The following CAST variants were observed in gnomAD, a reference collection of about 807,000 sequenced individuals.
CAST encodes the protein MIR583 host.
In CAST, 76 loss-of-function variants were observed where a neutral mutation model predicts 119.6. That is an observed-to-expected ratio of 0.64 (90% CI 0.53 to 0.77). The LOEUF is 0.77. Among genes scored for constraint, CAST ranks in the 30% least tolerant of loss-of-function variants. The pLI, the probability that CAST is intolerant of heterozygous loss-of-function variation, is 0.00. For synonymous variants in CAST, 319 were observed against 331.6 expected (o/e 0.96, Z 0.41); for missense variants, 953 against 946.5 (o/e 1.01, Z -0.09).
chr5:96,240,377 A>G, the CAST span, among the ~76,000 whole-genome samples: 3 of 152,008 alleles, frequency 2.0e-5, no homozygotes, highest in Non-Finnish European at 4.4e-5. Flanking sequence ...TTTTCTCTCC[A>G]TGTTTGGTGA....
the CAST span, among the ~76,000 whole-genome samples, chr5:96,061,573 G>A: frequency 3.1e-4 from 47 of 152,000 alleles, no homozygotes; most frequent in Admixed American, 3.1e-3. Context: ...ATGCACTATA[G>A]CCCCTCAGAG....
At chr5:96,342,814 G>A in the CAST span, among the ~76,000 whole-genome samples, 12 of 152,126 alleles carry the variant, frequency 7.9e-5, no homozygotes, top group East Asian at 7.7e-4. Context: ...TGCCACAAAC[G>A]CCCTGAGCCT....
the CAST span, among the ~76,000 whole-genome samples, chr5:96,500,638 G>A: frequency 6.6e-6 from 1 of 152,192 alleles, no homozygotes; most frequent in East Asian, 1.9e-4. Context: ...TCCAAACACA[G>A]GAAGGCTAAT....
At chr5:96,065,401 CTGTGTG>C in the CAST span, among the ~76,000 whole-genome samples, 1 of 149,168 alleles carries the variant, frequency 6.7e-6, no homozygotes, top group Admixed American at 6.7e-5. Flanking sequence ...GGTTAATGAT[CTGTGTG>C]TGTGTGTGTG....
chr5:96,762,391 T>A lies in CAST; in HGVS notation c.1932+19T>A, dbSNP rs1768311661. 1 of 1,541,354 alleles carries A rather than the reference T, an allele frequency of 6.5e-7. No homozygotes were observed. On this transcript the variant is annotated intron_variant, in intron 25 of 31. Transcript: ENST00000675179. Reference sequence around the variant, plus strand: ...TACCTCGGTAAGCAGCACATCTTATTTGGGAGATAAATGTTTTTGCGCAGC... The same window carrying A: ...TACCTCGGTAAGCAGCACATCTTATATGGGAGATAAATGTTTTTGCGCAGC...
the CAST span, among the ~76,000 whole-genome samples, chr5:96,371,971 C>T: frequency 1.3e-5 from 2 of 152,098 alleles, no homozygotes; most frequent in African/African-American, 4.8e-5. Flanking sequence ...TTTTTCCTTC[C>T]AATAATTTGC....
At chr5:96,198,717 C>A in the CAST span, among the ~76,000 whole-genome samples, 2 of 152,080 alleles carry the variant, frequency 1.3e-5, no homozygotes, top group Non-Finnish European at 2.9e-5. Flanking sequence ...CAATAATGAT[C>A]CCTGAGGGAA....
chr5:96,703,141 T>C (rs1314025288), intron 3 of CAST, among the ~76,000 whole-genome samples: 1 of 152,194 alleles, frequency 6.6e-6, no homozygotes, highest in Non-Finnish European at 1.5e-5. Flanking sequence ...ACACTGTTAC[T>C]GCCCCTTCCG....
At chr5:96,413,839 G>A in the CAST span, among the ~76,000 whole-genome samples, 1 of 146,006 alleles carries the variant, frequency 6.8e-6, no homozygotes, top group Non-Finnish European at 1.5e-5. Context: ...AAAAAAATCG[G>A]CCAGGTGCGG....
chr5:96,347,139 G>A, the CAST span, among the ~76,000 whole-genome samples: 4 of 152,054 alleles, frequency 2.6e-5, no homozygotes, highest in East Asian at 5.8e-4. Flanking sequence ...TCTTTGAGGA[G>A]GCCCAGTGTG....
the CAST span, among the ~76,000 whole-genome samples, chr5:96,333,695 G>A: frequency 2.0e-5 from 3 of 152,236 alleles, no homozygotes; most frequent in African/African-American, 7.2e-5. Context: ...GCCTCTGTGC[G>A]GAGCAATACT....
At chr5:96,585,397 T>C (rs7735986) in intron 1 of CAST, among the ~76,000 whole-genome samples, 1 of 152,176 alleles carries the variant, frequency 6.6e-6, no homozygotes, top group African/African-American at 2.4e-5. Flanking sequence ...CTTTAATTAA[T>C]CTTTAACCTA....
At chr5:96,224,482 A>C in the CAST span, among the ~76,000 whole-genome samples, 3 of 152,130 alleles carry the variant, frequency 2.0e-5, no homozygotes, top group Non-Finnish European at 4.4e-5. Context: ...CCTGTCTTTA[A>C]GAGTGAGGCA....
the CAST span, among the ~76,000 whole-genome samples, chr5:96,054,345 T>C: frequency 6.6e-6 from 1 of 152,140 alleles, no homozygotes; most frequent in Admixed American, 6.5e-5. Context: ...TTTGAACTCC[T>C]GGACTTAAGC....
intron 1 of CAST, among the ~76,000 whole-genome samples, chr5:96,647,628 C>T (rs1748032399): frequency 6.6e-6 from 1 of 151,950 alleles, no homozygotes; most frequent in Non-Finnish European, 1.5e-5. Context: ...GGACGTAATC[C>T]AATATGACAG....
At chr5:96,418,588 A>G in the CAST span, among the ~76,000 whole-genome samples, 127 of 152,338 alleles carry the variant, frequency 8.3e-4, no homozygotes, top group African/African-American at 2.9e-3. Context: ...GTAATAAAGA[A>G]CAACAGCAAT....
At chr5:96,452,976 A>AAAAAAAAG in the CAST span, among the ~76,000 whole-genome samples, 11 of 142,422 alleles carry the variant, frequency 7.7e-5, no homozygotes, top group African/African-American at 2.9e-4. Flanking sequence ...AAAAAAAAAA[A>AAAAAAAAG]CAGAAGAAAG....
chr5:96,011,051 A>G, the CAST span, among the ~76,000 whole-genome samples: 4 of 152,162 alleles, frequency 2.6e-5, no homozygotes, highest in African/African-American at 4.8e-5. Flanking sequence ...CAATGAAGAG[A>G]GATAGTTTAA....
intron 1 of CAST, among the ~76,000 whole-genome samples, chr5:96,570,978 A>G (rs915450451): frequency 7.2e-5 from 11 of 152,208 alleles, no homozygotes; most frequent in African/African-American, 2.7e-4. Flanking sequence ...ATTTGGGGCA[A>G]TTCTGCATGA....
Sources: allele counts gnomAD v4.1 joint callset (sites outside exome capture counted in the v4.1 genomes callset), GRCh38; gene constraint gnomAD v4.1.1; transcripts MANE v1.5; gene names NCBI Gene and HGNC (gene_info 2026-07-23, HGNC 2026-07-21).